Variants in PLXNA2 observed in about 807,000 individuals in gnomAD.
PLXNA2 encodes the protein plexin A2, also known as plexin-A2.
PLXNA2 carries 91 observed loss-of-function variants against 193.5 expected under a neutral mutation model. That is an observed-to-expected ratio of 0.47 (90% CI 0.40 to 0.56). PLXNA2 has a LOEUF of 0.56. Ranked by LOEUF, PLXNA2 falls within the 20% of genes least tolerant of loss-of-function variation. PLXNA2 has a pLI of 0.00. For missense variants in PLXNA2, 1,995 were observed against 2,503.2 expected (o/e 0.80, Z 4.33); for synonymous variants, 997 against 1,027.3 (o/e 0.97, Z 0.56).
chr1:208,199,564 G>A (rs1461190946), intron 3 of PLXNA2, among the ~76,000 whole-genome samples: 1 of 152,086 alleles, frequency 6.6e-6, no homozygotes, highest in Non-Finnish European at 1.5e-5. Flanking sequence ...GGTGGCATGA[G>A]CCTGTAATCC....
At chr1:208,071,341 G>A (rs540536148) in intron 12 of PLXNA2, among the ~76,000 whole-genome samples, 5 of 152,354 alleles carry the variant, frequency 3.3e-5, no homozygotes, top group South Asian at 2.1e-4. Context: ...AGGACAAGTC[G>A]AGGATGTGTT....
intron 29 of PLXNA2, chr1:208,029,541 A>AG: frequency 1.0e-6 from 1 of 994,978 alleles, no homozygotes; most frequent in African/African-American, 1.7e-5. Context: ...GCTACTTCCC[A>AG]GGGCTGGCCT....
intron 3 of PLXNA2, among the ~76,000 whole-genome samples, chr1:208,192,672 A>G (rs1351990473): frequency 6.6e-6 from 1 of 152,036 alleles, no homozygotes; most frequent in Non-Finnish European, 1.5e-5. Flanking sequence ...AGATCACTTA[A>G]GGTCAGGAGT....
intron 3 of PLXNA2, among the ~76,000 whole-genome samples, chr1:208,171,234 A>G (rs1669486240): frequency 6.6e-6 from 1 of 152,222 alleles, no homozygotes; most frequent in South Asian, 2.1e-4. Flanking sequence ...TTGAACCTGA[A>G]GGACTAGTGA....
At chr1:208,065,064 TA>T (rs1271041653) in intron 12 of PLXNA2, among the ~76,000 whole-genome samples, 5 of 152,202 alleles carry the variant, frequency 3.3e-5, no homozygotes, top group African/African-American at 1.2e-4. Context: ...TGCAGGACTT[TA>T]AGCAAGTCCT....
At position 208,084,595 on chromosome 1, in the gene PLXNA2, G is replaced by A. The variant is rs754124044; in HGVS notation, c.2098-15C>T. The A allele has an allele frequency of 9.3e-6, 15 of 1,612,192 alleles. No individual in the cohort carries two copies. Among genetic ancestry groups the A allele is most frequent in the African/African-American group, 6.7e-5 (5 of 74,906 alleles). On this transcript the variant is annotated splice_polypyrimidine_tract_variant and intron_variant, in intron 9 of 31. Transcript: ENST00000367033. ...TGGGGACAGTCCTGGGGGAACAAACGAAGAGGCTCCATCTGTCCCCTGTTC... is the reference window on the plus strand; with the variant it reads ...TGGGGACAGTCCTGGGGGAACAAACAAAGAGGCTCCATCTGTCCCCTGTTC...
At chr1:208,191,756 C>T (rs578079451) in intron 3 of PLXNA2, among the ~76,000 whole-genome samples, 1 of 152,342 alleles carries the variant, frequency 6.6e-6, no homozygotes, top group Admixed American at 6.5e-5. Context: ...CAGTGCTCTC[C>T]TGCTCTGACA....
At chr1:208,065,676 G>A (rs1665768685) in intron 12 of PLXNA2, among the ~76,000 whole-genome samples, 1 of 152,162 alleles carries the variant, frequency 6.6e-6, no homozygotes, top group South Asian at 2.1e-4. Context: ...GGGGTGACCC[G>A]GGGTACAAAG....
At chr1:208,160,461 A>G (rs976603063) in intron 3 of PLXNA2, among the ~76,000 whole-genome samples, 1 of 152,242 alleles carries the variant, frequency 6.6e-6, no homozygotes, top group African/African-American at 2.4e-5. Context: ...AGGGAGGAAC[A>G]CAGAACTAGG....
intron 3 of PLXNA2, among the ~76,000 whole-genome samples, chr1:208,169,984 G>T (rs1192742575): frequency 6.6e-6 from 1 of 152,138 alleles, no homozygotes; most frequent in African/African-American, 2.4e-5. Flanking sequence ...GGACCTCCAA[G>T]AACTTTCCCA....
chr1:208,175,164 A>G (rs1669623628), intron 3 of PLXNA2, among the ~76,000 whole-genome samples: 1 of 152,194 alleles, frequency 6.6e-6, no homozygotes, highest in Admixed American at 6.5e-5. Context: ...GTGAACCGGA[A>G]CACCTGGAGA....
chr1:208,103,492 G>T (rs1667165115), intron 4 of PLXNA2, among the ~76,000 whole-genome samples: 1 of 152,168 alleles, frequency 6.6e-6, no homozygotes, highest in African/African-American at 2.4e-5. Flanking sequence ...AGCAGCAAAG[G>T]CTCCATCTAT....
chr1:208,084,937 C>T (rs1258425016), intron 9 of PLXNA2, among the ~76,000 whole-genome samples: 1 of 152,224 alleles, frequency 6.6e-6, no homozygotes, highest in Non-Finnish European at 1.5e-5. Flanking sequence ...TCTTGTTCCC[C>T]AGCTCCAGAT....
intron 3 of PLXNA2, among the ~76,000 whole-genome samples, chr1:208,204,339 G>T (rs1018330635): frequency 3.9e-5 from 6 of 152,188 alleles, no homozygotes; most frequent in Non-Finnish European, 8.8e-5. Flanking sequence ...GCAGATGGCT[G>T]TCTGTACTAT....
chr1:208,116,509 C>T (rs1268333466), intron 4 of PLXNA2, among the ~76,000 whole-genome samples: 5 of 152,118 alleles, frequency 3.3e-5, no homozygotes, highest in African/African-American at 1.2e-4. Context: ...TGGTATTCTG[C>T]GAGTATCCAT....
chr1:208,228,589 C>G (rs1443409412), intron 1 of PLXNA2, among the ~76,000 whole-genome samples: 8 of 152,156 alleles, frequency 5.3e-5, no homozygotes, highest in Non-Finnish European at 1.0e-4. Context: ...GTGTGAAATT[C>G]ACCTATGGAA....
intron 29 of PLXNA2, chr1:208,030,898 A>G (rs1335779564): frequency 1.0e-6 from 1 of 985,722 alleles, no homozygotes; most frequent in Non-Finnish European, 1.2e-6. Context: ...CCATGAGGAT[A>G]AAGTCTCATA....
chr1:208,037,607 G>A (rs756017794), intron 26 of PLXNA2, among the ~76,000 whole-genome samples: 4 of 152,098 alleles, frequency 2.6e-5, no homozygotes, highest in Non-Finnish European at 5.9e-5. Flanking sequence ...TATTTTTTCT[G>A]AATCCCAACC....
chr1:208,140,399 A>G (rs556052555), intron 4 of PLXNA2, among the ~76,000 whole-genome samples: 86 of 152,314 alleles, frequency 5.6e-4, no homozygotes, highest in Non-Finnish European at 1.1e-3. Flanking sequence ...CTAAGGTCTC[A>G]TTGGTCACTT....
Sources: allele counts gnomAD v4.1 joint callset (sites outside exome capture counted in the v4.1 genomes callset), GRCh38; gene constraint gnomAD v4.1.1; transcripts MANE v1.5; gene names NCBI Gene and HGNC (gene_info 2026-07-23, HGNC 2026-07-21).